Variants in TRPM3 observed in about 807,000 individuals in gnomAD.
The protein encoded by TRPM3 is long transient receptor potential channel 3.
A neutral mutation model predicts 181.2 loss-of-function variants in TRPM3; 77 were observed. That is an observed-to-expected ratio of 0.42 (90% CI 0.35 to 0.51). TRPM3 has a LOEUF of 0.51. Among genes scored for constraint, TRPM3 ranks in the 20% least tolerant of loss-of-function variants. TRPM3 has a pLI of 0.01. For missense variants in TRPM3, 1,759 were observed against 2,196.7 expected (o/e 0.80, Z 3.98); for synonymous variants, 745 against 796.4 (o/e 0.94, Z 1.09).
At chr9:71,084,831 G>A (rs190763050) in intron 1 of TRPM3, among the ~76,000 whole-genome samples, 202 of 151,782 alleles carry the variant, frequency 1.3e-3, no homozygotes, top group African/African-American at 4.8e-3. Context: ...AGCAGTCCTA[G>A]GCAATAAGAA....
chr9:71,397,506 T>C (rs1490820309), intron 1 of TRPM3, among the ~76,000 whole-genome samples: 1 of 152,198 alleles, frequency 6.6e-6, no homozygotes, highest in East Asian at 1.9e-4. Context: ...AAGTGTTTGT[T>C]GGGTTAAACC....
At chr9:70,602,537 G>A (rs1252810859) in intron 20 of TRPM3, among the ~76,000 whole-genome samples, 1 of 152,164 alleles carries the variant, frequency 6.6e-6, no homozygotes, top group Admixed American at 6.5e-5. Flanking sequence ...TGTCATTTCA[G>A]GAAAAATGCA....
intron 25 of TRPM3, among the ~76,000 whole-genome samples, chr9:70,537,742 TG>T (rs1463625194): frequency 6.6e-6 from 1 of 151,940 alleles, no homozygotes; most frequent in African/African-American, 2.4e-5. Context: ...TGAAGTAGAG[TG>T]GGGCCAAGTC....
intron 1 of TRPM3, among the ~76,000 whole-genome samples, chr9:70,952,874 A>C (rs1464707828): frequency 6.6e-6 from 1 of 152,220 alleles, no homozygotes. Flanking sequence ...CTATTTACAC[A>C]GGGAAGCGAC....
At chr9:71,024,607 C>T (rs550403625) in intron 1 of TRPM3, among the ~76,000 whole-genome samples, 1 of 152,300 alleles carries the variant, frequency 6.6e-6, no homozygotes, top group African/African-American at 2.4e-5. Context: ...TTACTTTGGG[C>T]AAGTTATCGA....
intron 9 of TRPM3, among the ~76,000 whole-genome samples, chr9:70,663,157 T>C (rs1034221049): frequency 2.0e-5 from 3 of 152,170 alleles, no homozygotes; most frequent in Non-Finnish European, 4.4e-5. Context: ...CCGAATATTG[T>C]ATGTTCTCAC....
chr9:71,255,630 T>C (rs959297415), intron 1 of TRPM3, among the ~76,000 whole-genome samples: 4 of 152,234 alleles, frequency 2.6e-5, no homozygotes, highest in Non-Finnish European at 5.9e-5. Flanking sequence ...TATTCTGGTT[T>C]AATTTCTTGA....
intron 15 of TRPM3, among the ~76,000 whole-genome samples, 169 bp downstream of exon 15, chr9:70,621,075 C>G (rs924209054): frequency 2.1e-5 from 3 of 144,598 alleles, no homozygotes; most frequent in African/African-American, 7.6e-5. Context: ...TATAGTATTA[C>G]ACATTATATA....
chr9:71,191,574 C>T (rs1434017654), intron 1 of TRPM3, among the ~76,000 whole-genome samples: 1 of 151,672 alleles, frequency 6.6e-6, no homozygotes, highest in Non-Finnish European at 1.5e-5. Context: ...TTTACACTAC[C>T]CAAATGTCTG....
intron 1 of TRPM3, among the ~76,000 whole-genome samples, chr9:71,071,235 CA>C (rs1426524664): frequency 2.0e-5 from 3 of 152,070 alleles, no homozygotes; most frequent in Admixed American, 6.5e-5. Context: ...GGAAAGAGGC[CA>C]CCTTAGAAGC....
At chr9:70,738,379 C>A (rs995188041) in intron 8 of TRPM3, among the ~76,000 whole-genome samples, 1 of 151,862 alleles carries the variant, frequency 6.6e-6, no homozygotes, top group Non-Finnish European at 1.5e-5. Context: ...GCACATGTAC[C>A]CTAAAACTTA....
intron 8 of TRPM3, among the ~76,000 whole-genome samples, chr9:70,694,552 C>T (rs2069649354): frequency 6.6e-6 from 1 of 152,180 alleles, no homozygotes; most frequent in South Asian, 2.1e-4. Flanking sequence ...GCGATCTCGG[C>T]TCACTGCAAG....
At chr9:71,366,895 T>C (rs1287512625) in intron 1 of TRPM3, among the ~76,000 whole-genome samples, 2 of 152,110 alleles carry the variant, frequency 1.3e-5, no homozygotes, top group African/African-American at 2.4e-5. Flanking sequence ...ATCTTATAGA[T>C]AAGATTTCAC....
intron 1 of TRPM3, among the ~76,000 whole-genome samples, chr9:70,955,452 C>G (rs1415623630): frequency 6.6e-6 from 1 of 152,166 alleles, no homozygotes; most frequent in Non-Finnish European, 1.5e-5. Context: ...GTTACCATGT[C>G]TCTAGTTCTG....
chr9:70,551,311 C>T (rs754689180), intron 24 of TRPM3, among the ~76,000 whole-genome samples: 1 of 152,196 alleles, frequency 6.6e-6, no homozygotes, highest in Non-Finnish European at 1.5e-5. Context: ...TGTCTCTGAC[C>T]TTCACCCTTT....
intron 6 of TRPM3, among the ~76,000 whole-genome samples, chr9:70,807,222 T>C (rs2090893193): frequency 6.6e-6 from 1 of 152,200 alleles, no homozygotes; most frequent in Non-Finnish European, 1.5e-5. Context: ...TCAATAGTTA[T>C]TTCTTTTTCC....
At chr9:71,292,931 C>CA (rs1469591800) in intron 1 of TRPM3, among the ~76,000 whole-genome samples, 1 of 151,652 alleles carries the variant, frequency 6.6e-6, no homozygotes, top group Non-Finnish European at 1.5e-5. Flanking sequence ...CAGCAATGCC[C>CA]AAAAAAGCAA....
chr9:70,561,981 A>T (rs908008980), intron 22 of TRPM3, among the ~76,000 whole-genome samples: 1 of 152,222 alleles, frequency 6.6e-6, no homozygotes, highest in Non-Finnish European at 1.5e-5. Context: ...TTTAGGAAAG[A>T]CTGAGCTCAA....
chr9:71,012,607 T>C (rs2097755134), intron 1 of TRPM3, among the ~76,000 whole-genome samples: 1 of 152,062 alleles, frequency 6.6e-6, no homozygotes, highest in South Asian at 2.1e-4. Flanking sequence ...TATTTTTGTG[T>C]CTTTTGTGAA....
Sources: allele counts gnomAD v4.1 joint callset (sites outside exome capture counted in the v4.1 genomes callset), GRCh38; gene constraint gnomAD v4.1.1; transcripts MANE v1.5; gene names NCBI Gene and HGNC (gene_info 2026-07-23, HGNC 2026-07-21).